Variants in DTNB observed in about 807,000 individuals in gnomAD.
The protein encoded by DTNB is DTN-B.
A neutral mutation model predicts 90.7 loss-of-function variants in DTNB; 63 were observed. That is an observed-to-expected ratio of 0.69 (90% CI 0.57 to 0.86). The LOEUF is 0.86. DTNB is among the 40% of genes least tolerant of loss of function. The pLI is 0.00. For synonymous variants in DTNB, 277 were observed against 286.7 expected, an observed-to-expected ratio of 0.97 and a Z score of 0.34; for missense variants, 744 against 807.1, an observed-to-expected ratio of 0.92 and a Z score of 0.95.
intron 15 of DTNB, chr2:25,426,742 C>G (rs1176895649): frequency 6.6e-6 from 1 of 152,208 alleles, no homozygotes; most frequent in Non-Finnish European, 1.5e-5. Flanking sequence ...AATAAATCCC[C>G]TCTTAGATAT....
At chr2:25,630,421 A>C (rs1242672809) in intron 3 of DTNB, among the ~76,000 whole-genome samples, 1 of 152,248 alleles carries the variant, frequency 6.6e-6, no homozygotes, top group African/African-American at 2.4e-5. Context: ...ATCTTGTACA[A>C]ATGTTCATAG....
chr2:25,387,365 G>T lies in DTNB; in HGVS notation c.1749C>A (p.Asn583Lys). The T allele has an allele frequency of 2.5e-6, 4 of 1,612,398 alleles. No individual in the cohort carries two copies. The highest frequency in any genetic ancestry group is 2.5e-6 in the Non-Finnish European group (3 of 1,179,288). ...CTGCCACCAGCAGGTCATTGCGGAG[G>T]TTTCTCCTCGTACCTGAGGAGAGGC... Reference protein sequence around the residue: ...QEAFAQGTRRNLRNDLLVAAD... With the variant: ...QEAFAQGTRRKLRNDLLVAAD... Residue 583 changes from asparagine to lysine, a missense_variant, in exon 18 of 21, where the codon AAC becomes AAA. By Grantham distance (94) the Asn-to-Lys change is moderately conservative. Coordinates refer to ENST00000406818, the MANE Select transcript of DTNB (RefSeq NM_021907.5). The surrounding 1 kb of genome is among the most constrained non-coding windows in gnomAD (Gnocchi z 4.5).
At position 25,379,101 on chromosome 2, in the gene DTNB, C is replaced by T. The variant is rs550111660; in HGVS notation, c.*29+189G>A. Among the ~76,000 whole-genome samples the T allele has an allele frequency of 2.7e-4, 41 of 152,318 alleles. No individual in the cohort carries two copies. In the South Asian group the frequency reaches 8.5e-3, roughly 32 times the overall value. On this transcript the variant is annotated intron_variant, in intron 20 of 20. Coordinates refer to ENST00000406818, the MANE Select transcript of DTNB (RefSeq NM_021907.5). The stretch of plus-strand genomic sequence containing the variant: ...AGACAGTGCTGTGCAAGACAGGACA[C>T]AGCCTAGAAACAGGGCAAGGAGGGC...
intron 9 of DTNB, among the ~76,000 whole-genome samples, chr2:25,483,669 A>G (rs1163655931): frequency 6.6e-6 from 1 of 152,164 alleles, no homozygotes; most frequent in Non-Finnish European, 1.5e-5. Flanking sequence ...CAAGCTTCTC[A>G]AAAAGGTGCC....
At chr2:25,505,385 G>A (rs1486634737) in intron 9 of DTNB, among the ~76,000 whole-genome samples, 1 of 152,080 alleles carries the variant, frequency 6.6e-6, no homozygotes, top group Non-Finnish European at 1.5e-5. Flanking sequence ...ACTTGATGAC[G>A]TGTTAGAAGG....
chr2:25,484,550 CT>C (rs1393939253), intron 9 of DTNB, among the ~76,000 whole-genome samples: 1 of 152,060 alleles, frequency 6.6e-6, no homozygotes, highest in African/African-American at 2.4e-5. Context: ...TATCTATGCA[CT>C]TTTTTTTCTT....
chr2:25,390,304 T>G (rs1328689909), intron 16 of DTNB, among the ~76,000 whole-genome samples: 4 of 152,130 alleles, frequency 2.6e-5, no homozygotes, highest in Non-Finnish European at 5.9e-5. Context: ...AAAACTAAAA[T>G]GGATCATAGT....
intron 9 of DTNB, among the ~76,000 whole-genome samples, chr2:25,521,544 C>T (rs868445912): frequency 2.0e-4 from 31 of 151,848 alleles, no homozygotes; most frequent in African/African-American, 7.0e-4. Flanking sequence ...CAACTGTACC[C>T]GCCTAATTTT....
At chr2:25,437,378 C>CAAGG (rs1247085313) in intron 12 of DTNB, among the ~76,000 whole-genome samples, 1 of 152,014 alleles carries the variant, frequency 6.6e-6, no homozygotes, top group Non-Finnish European at 1.5e-5. Context: ...TTTCCTGCCT[C>CAAGG]AGCCTCCTGA....
Position 25,424,369 on chromosome 2 carries a change from T to C in DTNB, c.1554+3166A>G, listed in dbSNP as rs1027469453. 6.6e-6 allele frequency among the ~76,000 whole-genome samples: 1 copy of C among 152,148 alleles called. No homozygotes were observed. The highest frequency in any genetic ancestry group is 1.5e-5 in the Non-Finnish European group (1 of 68,024). On this transcript the variant is annotated intron_variant, in intron 15 of 20. Coordinates refer to ENST00000406818, the MANE Select transcript of DTNB (RefSeq NM_021907.5). This position sits in a 1 kb window ranked among gnomAD's most constrained non-coding sequence, Gnocchi z 4.1. ...GGTTTGGGATCAGAGTTGCGGGCATTAGCTCGTTCTGCTTAGCCCTTGAAT... is the reference window on the plus strand; with the variant it reads ...GGTTTGGGATCAGAGTTGCGGGCATCAGCTCGTTCTGCTTAGCCCTTGAAT...
At chr2:25,451,677 C>T in intron 11 of DTNB, 42 bp from the exon 12 acceptor site, 2 of 1,484,660 alleles carry the variant, frequency 1.3e-6, no homozygotes, top group East Asian at 2.5e-5. Flanking sequence ...TATTAAACAT[C>T]CCTTATTCTT....
chr2:25,427,794 G>C, intron 14 of DTNB, 163 bp from the exon 15 acceptor site: 1 of 629,060 alleles, frequency 1.6e-6, no homozygotes. Flanking sequence ...TGTCTGTTTT[G>C]CCTACTTCCT....
chr2:25,617,621 C>T (rs1291784356), intron 4 of DTNB, among the ~76,000 whole-genome samples: 3 of 152,114 alleles, frequency 2.0e-5, no homozygotes, highest in African/African-American at 4.8e-5. Flanking sequence ...AGCCAGGCGT[C>T]GTGGTTCACG....
intron 8 of DTNB, among the ~76,000 whole-genome samples, chr2:25,545,322 G>T (rs1304558848): frequency 6.6e-6 from 1 of 152,140 alleles, no homozygotes; most frequent in Non-Finnish European, 1.5e-5. Flanking sequence ...AAACCTATCT[G>T]TTGTGTTTGT....
intron 2 of DTNB, among the ~76,000 whole-genome samples, chr2:25,651,704 T>G (rs1422104710): frequency 1.3e-5 from 2 of 152,076 alleles, no homozygotes; most frequent in African/African-American, 4.8e-5. Flanking sequence ...ATGTCGAGAG[T>G]TGGGTCTTCT....
chr2:25,555,244 T>C (rs1424708894), intron 8 of DTNB, among the ~76,000 whole-genome samples: 1 of 136,356 alleles, frequency 7.3e-6, no homozygotes, highest in Non-Finnish European at 1.5e-5. Context: ...TGAACGAAGA[T>C]CGGGCCACTG....
intron 9 of DTNB, among the ~76,000 whole-genome samples, chr2:25,506,640 G>A (rs1287416527): frequency 2.0e-5 from 3 of 152,190 alleles, no homozygotes; most frequent in Non-Finnish European, 2.9e-5. Flanking sequence ...CTTGATCACC[G>A]CACATTCTAT....
chr2:25,589,847 C>T (rs943246945), intron 6 of DTNB, among the ~76,000 whole-genome samples: 1 of 152,206 alleles, frequency 6.6e-6, no homozygotes, highest in Non-Finnish European at 1.5e-5. Flanking sequence ...GTTCCACCCA[C>T]TCGGCCTGGC....
chr2:25,668,066 C>T (rs1005978558), intron 1 of DTNB, among the ~76,000 whole-genome samples: 8 of 151,914 alleles, frequency 5.3e-5, no homozygotes, highest in Admixed American at 2.6e-4. Flanking sequence ...GGTGAAACCC[C>T]GTCTCTACTA....
Sources: gnomAD v4.1 joint callset for allele counts (sites outside exome capture counted in the v4.1 genomes callset) on GRCh38, gnomAD v4.1.1 for gene constraint, Gnocchi (gnomAD v3.1) non-coding constraint, MANE v1.5 for transcripts, NCBI Gene and HGNC (gene_info 2026-07-23, HGNC 2026-07-21) for gene names.